The following MARCHF1 variants were observed in gnomAD, a reference collection of about 807,000 sequenced individuals.
MARCHF1 encodes the protein membrane associated ring-CH-type finger 1, also known as E3 ubiquitin-protein ligase MARCHF1.
In MARCHF1, 40 loss-of-function variants were observed where a neutral mutation model predicts 54.2. That is an observed-to-expected ratio of 0.74 (90% confidence interval 0.57 to 0.96). The LOEUF is 0.96. Among genes scored for constraint, MARCHF1 ranks in the 40% least tolerant of loss-of-function variants. MARCHF1 has a pLI of 0.00. For missense variants in MARCHF1, 586 were observed against 656.5 expected (o/e 0.89, Z 1.17); for synonymous variants, 236 against 236.3 (o/e 1.00, Z 0.01).
chr4:164,264,483 TAA>T (rs201127299), intron 1 of MARCHF1, among the ~76,000 whole-genome samples: 2 of 141,782 alleles, frequency 1.4e-5, no homozygotes, highest in South Asian at 2.2e-4. Flanking sequence ...AAATAAAAGT[TAA>T]AAAAAAAAAA....
At chr4:164,111,805 T>A (rs890693087) in intron 1 of MARCHF1, 143 bp from the exon 2 acceptor site, 2 of 151,800 alleles carry the variant, frequency 1.3e-5, no homozygotes, top group African/African-American at 4.8e-5. Context: ...ATACTGTTCT[T>A]AATTTCATTT....
At chr4:164,187,415 T>A (rs1459336259) in intron 1 of MARCHF1, among the ~76,000 whole-genome samples, 1 of 152,160 alleles carries the variant, frequency 6.6e-6, no homozygotes, top group Non-Finnish European at 1.5e-5. Flanking sequence ...CTTATAAGTC[T>A]GGATTTCCAA....
chr4:163,660,888 T>G (rs1447400359), intron 5 of MARCHF1, among the ~76,000 whole-genome samples: 1 of 152,052 alleles, frequency 6.6e-6, no homozygotes, highest in Non-Finnish European at 1.5e-5. Context: ...TCATCTATTA[T>G]GTAATTCAAA....
chr4:163,863,969 C>A (rs1414585716), intron 3 of MARCHF1, among the ~76,000 whole-genome samples: 1 of 151,944 alleles, frequency 6.6e-6, no homozygotes, highest in Non-Finnish European at 1.5e-5. Flanking sequence ...AAAGTAGTAA[C>A]AGATTATGAC....
chr4:163,780,717 A>C (rs1489737522), intron 4 of MARCHF1, among the ~76,000 whole-genome samples: 1 of 152,208 alleles, frequency 6.6e-6, no homozygotes, highest in Non-Finnish European at 1.5e-5. Flanking sequence ...CAGTGAGTGA[A>C]CTGTTGTTTT....
chr4:163,687,685 T>C (rs554970173), intron 5 of MARCHF1, among the ~76,000 whole-genome samples: 62 of 152,304 alleles, frequency 4.1e-4, no homozygotes, highest in African/African-American at 1.5e-3. Flanking sequence ...ATAGTGGATA[T>C]AGAGTTCTTC....
intron 2 of MARCHF1, among the ~76,000 whole-genome samples, chr4:163,993,572 T>C (rs79018044): frequency 0.016 from 2,429 of 152,262 alleles, 56 homozygotes; most frequent in African/African-American, 0.052. Context: ...TTTCAGTCTG[T>C]TGGAGAATCA....
At chr4:163,776,033 C>A (rs186136964) in intron 4 of MARCHF1, among the ~76,000 whole-genome samples, 213 of 152,156 alleles carry the variant, frequency 1.4e-3, no homozygotes, top group African/African-American at 4.9e-3. Flanking sequence ...TTCTGATAGA[C>A]CATGGATTTG....
chr4:163,668,304 T>C (rs1486170492), intron 5 of MARCHF1, among the ~76,000 whole-genome samples: 2 of 152,294 alleles, frequency 1.3e-5, no homozygotes, highest in East Asian at 3.9e-4. Flanking sequence ...GGCAGAGAGC[T>C]AAGTGCCAAT....
In MARCHF1 at chr4:164,321,849, A is replaced by C. The variant is rs188610904; in HGVS notation, c.-323+62021T>G. On this transcript the variant is annotated intron_variant, in intron 1 of 9. Coordinates refer to ENST00000514618, the MANE Select transcript of MARCHF1 (RefSeq NM_001394959.1). ...GATAAATGTACTAGTGTAATCTAATATAATTAATTATAATAATCATAGAAA... is the reference window on the plus strand; with the variant it reads ...GATAAATGTACTAGTGTAATCTAATCTAATTAATTATAATAATCATAGAAA... Among the ~76,000 whole-genome samples the C allele has an allele frequency of 1.4e-4, 21 of 152,218 alleles. No homozygotes were observed. In the East Asian group the frequency reaches 4.1e-3, roughly 29 times the overall value.
At chr4:163,815,867 C>T (rs1748518698) in intron 4 of MARCHF1, among the ~76,000 whole-genome samples, 1 of 152,072 alleles carries the variant, frequency 6.6e-6, no homozygotes, top group African/African-American at 2.4e-5. Context: ...AACCAACCAA[C>T]CAAATGAACA....
intron 1 of MARCHF1, chr4:164,197,851 TATAATAAA>T: frequency 1.4e-6 from 2 of 1,418,772 alleles, no homozygotes; most frequent in Non-Finnish European, 1.9e-6. Context: ...TTACAAATAT[TATAATAAA>T]GGGACTGATA....
At chr4:163,856,401 G>T (rs1033147156) in intron 3 of MARCHF1, among the ~76,000 whole-genome samples, 3 of 152,096 alleles carry the variant, frequency 2.0e-5, no homozygotes, top group Non-Finnish European at 2.9e-5. Context: ...GACAAGAAAC[G>T]AGATACATTG....
At chr4:163,644,820 C>T (rs140337242) in intron 5 of MARCHF1, among the ~76,000 whole-genome samples, 135 of 152,262 alleles carry the variant, frequency 8.9e-4, no homozygotes, top group Non-Finnish European at 1.6e-3. Flanking sequence ...AGCTGGCCTG[C>T]TTAACTTTGG....
chr4:163,948,500 A>C (rs1310542231), intron 3 of MARCHF1, among the ~76,000 whole-genome samples: 1 of 152,250 alleles, frequency 6.6e-6, no homozygotes, highest in Non-Finnish European at 1.5e-5. Flanking sequence ...GTAGTATGTG[A>C]TTAGTCATCA....
At position 163,953,152 on chromosome 4, in the gene MARCHF1, T is replaced by A. The variant is rs186982772; in HGVS notation, c.-39+35349A>T. Among the ~76,000 whole-genome samples the A allele has an allele frequency of 2.7e-4, 41 of 152,290 alleles. No homozygotes were observed. In the East Asian group the frequency reaches 7.9e-3, roughly 29 times the overall value. On this transcript the variant is annotated intron_variant, in intron 3 of 9. Transcript: ENST00000514618. ...TACCTGTCAGAATTCCATCTCAAAG[T>A]TCCAAACAAATATTGCATTATTTGT...
At chr4:163,772,567 T>C (rs143675768) in intron 4 of MARCHF1, among the ~76,000 whole-genome samples, 61 of 152,256 alleles carry the variant, frequency 4.0e-4, no homozygotes, top group African/African-American at 1.4e-3. Flanking sequence ...TAGAAGGCTG[T>C]CAGCAGGGGG....
intron 1 of MARCHF1, among the ~76,000 whole-genome samples, chr4:164,143,680 C>T (rs1729564299): frequency 6.6e-6 from 1 of 152,176 alleles, no homozygotes; most frequent in African/African-American, 2.4e-5. Flanking sequence ...AAGCGCTAAA[C>T]ATGGAAAGGA....
chr4:164,162,236 A>T (rs1730257344), intron 1 of MARCHF1, among the ~76,000 whole-genome samples: 1 of 152,152 alleles, frequency 6.6e-6, no homozygotes, highest in African/African-American at 2.4e-5. Flanking sequence ...GAACTTCTAG[A>T]ATCTAGAAAT....
Sources: allele counts gnomAD v4.1 joint callset (sites outside exome capture counted in the v4.1 genomes callset), GRCh38; gene constraint gnomAD v4.1.1; transcripts MANE v1.5; gene names NCBI Gene and HGNC (gene_info 2026-07-23, HGNC 2026-07-21).